Variants in NTM observed in about 807,000 individuals in gnomAD.
NTM encodes the protein neurotrimin.
In NTM, 13 loss-of-function variants were observed where a neutral mutation model predicts 42.1. The observed-to-expected ratio is 0.31, with a 90% CI of 0.20 to 0.49. The LOEUF (loss-of-function observed/expected upper bound fraction) is 0.49. Among genes scored for constraint, NTM ranks in the 20% least tolerant of loss-of-function variants. The pLI, the probability that NTM is intolerant of heterozygous loss-of-function variation, is 0.99. For synonymous variants in NTM, 187 were observed against 179.2 expected (o/e 1.04, Z -0.35); for missense variants, 373 against 452.8 (o/e 0.82, Z 1.60).
intron 1 of NTM, among the ~76,000 whole-genome samples, chr11:131,843,733 A>G (rs1318887706): frequency 1.3e-5 from 2 of 151,636 alleles, no homozygotes; most frequent in Non-Finnish European, 2.9e-5. Context: ...ATATAATGAT[A>G]TCTTATTGTT....
At chr11:132,093,290 C>T (rs1032085171) in intron 2 of NTM, among the ~76,000 whole-genome samples, 1 of 152,196 alleles carries the variant, frequency 6.6e-6, no homozygotes, top group African/African-American at 2.4e-5. Context: ...TAGACCTTTG[C>T]ACATGCTGTT....
chr11:132,124,107 T>A (rs1453004413), intron 2 of NTM, among the ~76,000 whole-genome samples: 1 of 152,172 alleles, frequency 6.6e-6, no homozygotes, highest in Non-Finnish European at 1.5e-5. Context: ...AGTAAAGTGC[T>A]TTGCATAGTG....
chr11:131,930,096 T>A (rs2058430730), intron 2 of NTM, among the ~76,000 whole-genome samples: 1 of 152,240 alleles, frequency 6.6e-6, no homozygotes, highest in African/African-American at 2.4e-5. Flanking sequence ...TTGGTCTGTA[T>A]TTCCCAACAA....
chr11:131,613,416 G>A (rs745584641), intron 1 of NTM, among the ~76,000 whole-genome samples: 1 of 152,090 alleles, frequency 6.6e-6, no homozygotes, highest in African/African-American at 2.4e-5. Flanking sequence ...TCTTCCAGCT[G>A]GTGCAATGAG....
At position 131,515,360 on chromosome 11, in the gene NTM, G is replaced by T. The variant is rs1024325096; in HGVS notation, c.82+144472G>T. 2.6e-5 allele frequency among the ~76,000 whole-genome samples: 4 copies of T among 152,172 alleles called. No homozygotes were observed. In the East Asian group the frequency reaches 7.7e-4, roughly 29 times the overall value. ...AGCGTGGGGAAATCGTGGCATTAGA[G>T]AATGTTCTCGGAGCCCAGTCCTCTC... On this transcript the variant is annotated intron_variant, in intron 1 of 8. Transcript: ENST00000683400.
Position 132,138,589 on chromosome 11 carries a change from TC to T in NTM, c.168-7692del, listed in dbSNP as rs1566271892. Among the ~76,000 whole-genome samples the T allele has an allele frequency of 4.1e-5, 3 of 72,956 alleles. No individual in the cohort carries two copies. The East Asian group carries it at 9.5e-4, about 23-fold the overall frequency. 47.9% of individuals were successfully genotyped at this position (72,956 alleles called of 152,430 possible). Reference sequence around the variant, plus strand: ...ATCTATCTATCTATCTATCTATCTATCTATCTATCTATCTATCTATCTATCT... The same window carrying T: ...ATCTATCTATCTATCTATCTATCTATTATCTATCTATCTATCTATCTATCT... On this transcript the variant is annotated intron_variant, in intron 2 of 8. Transcript: ENST00000683400.
chr11:131,999,513 T>C (rs1403917189), intron 2 of NTM, among the ~76,000 whole-genome samples: 2 of 152,176 alleles, frequency 1.3e-5, no homozygotes, highest in Non-Finnish European at 2.9e-5. Flanking sequence ...CCAAGATACA[T>C]GTGAGGAAGA....
At chr11:131,666,813 G>A (rs1221550845) in intron 1 of NTM, among the ~76,000 whole-genome samples, 1 of 152,198 alleles carries the variant, frequency 6.6e-6, no homozygotes, top group African/African-American at 2.4e-5. Context: ...CATTCCAGTG[G>A]GATGACTTAC....
chr11:132,158,096 AT>A (rs1201894679), intron 3 of NTM, among the ~76,000 whole-genome samples: 2 of 152,094 alleles, frequency 1.3e-5, no homozygotes, highest in East Asian at 3.9e-4. Flanking sequence ...GTTGTTCCTG[AT>A]TTAGTCGCTT....
At chr11:132,217,416 T>C (rs1426769273) in intron 4 of NTM, among the ~76,000 whole-genome samples, 1 of 150,614 alleles carries the variant, frequency 6.6e-6, no homozygotes. Context: ...GTGTGGGGTG[T>C]GTGTGTGTGT....
intron 1 of NTM, among the ~76,000 whole-genome samples, chr11:131,478,733 A>T (rs1372646632): frequency 6.6e-6 from 1 of 152,234 alleles, no homozygotes; most frequent in Non-Finnish European, 1.5e-5. Context: ...AGAGACTCAA[A>T]ACTCTGATGT....
Position 131,401,818 on chromosome 11 carries a change from A to G in NTM, c.82+30930A>G, listed in dbSNP as rs866396451. On this transcript the variant is annotated intron_variant, in intron 1 of 8. Coordinates refer to ENST00000683400, the MANE Select transcript of NTM (RefSeq NM_001352005.2). ...ACTGGAAATATATATATATATATAT[A>G]TATATATATATATATATATATATAT... Among the ~76,000 whole-genome samples, 15 of 42,990 alleles carry G rather than the reference A, an allele frequency of 3.5e-4. 1 individual carries two copies. Among genetic ancestry groups the G allele is most frequent in the African/African-American group, 1.4e-3 (12 of 8,562 alleles). The allele number at this position is 42,990 out of a possible 152,430, so 28.2% of individuals were successfully genotyped here.
intron 2 of NTM, among the ~76,000 whole-genome samples, chr11:131,928,498 A>G (rs528907423): frequency 1.3e-3 from 201 of 151,764 alleles, no homozygotes; most frequent in African/African-American, 4.8e-3. Context: ...TCCCACTACA[A>G]ACTCTGTTTG....
rs114553529 is a variant in NTM at position 131,885,396 on chromosome 11, C to T, written c.83-26168C>T. The stretch of plus-strand genomic sequence containing the variant: ...TACACAACTGCGGGCAGGTGGGGGC[C>T]CCGTGGAGAGCCAGCTGACACATAA... On this transcript the variant is annotated intron_variant, in intron 1 of 8. Transcript: ENST00000683400. Among the ~76,000 whole-genome samples the T allele has an allele frequency of 2.8e-3, 422 of 152,274 alleles. 1 individual carries two copies. The highest frequency in any genetic ancestry group is 9.7e-3 in the African/African-American group (401 of 41,552).
At chr11:131,517,542 A>G (rs1442721646) in intron 1 of NTM, among the ~76,000 whole-genome samples, 1 of 152,172 alleles carries the variant, frequency 6.6e-6, no homozygotes, top group African/African-American at 2.4e-5. Flanking sequence ...TGTGTCTCAG[A>G]TATGCCCTCT....
chr11:131,755,993 A>G (rs2083282531), intron 1 of NTM, among the ~76,000 whole-genome samples: 1 of 152,218 alleles, frequency 6.6e-6, no homozygotes, highest in Admixed American at 6.5e-5. Flanking sequence ...TCACTGTCCT[A>G]ACTTCTGGAA....
At chr11:132,106,793 C>T (rs545609493) in intron 2 of NTM, among the ~76,000 whole-genome samples, 52 of 152,256 alleles carry the variant, frequency 3.4e-4, no homozygotes, top group Non-Finnish European at 1.2e-4. Flanking sequence ...GGCAATGCCT[C>T]GGATGTCTTT....
At chr11:132,299,548 G>C (rs1280958305) in intron 4 of NTM, among the ~76,000 whole-genome samples, 1 of 152,182 alleles carries the variant, frequency 6.6e-6, no homozygotes, top group African/African-American at 2.4e-5. Context: ...AGCTGACAAA[G>C]AGGCAATGTC....
At chr11:131,792,645 T>C (rs2091091032) in intron 1 of NTM, among the ~76,000 whole-genome samples, 1 of 152,198 alleles carries the variant, frequency 6.6e-6, no homozygotes, top group East Asian at 1.9e-4. Flanking sequence ...TTCCTCCCTC[T>C]GTGGCTTAGA....
Sources: allele counts gnomAD v4.1 joint callset (sites outside exome capture counted in the v4.1 genomes callset), GRCh38; gene constraint gnomAD v4.1.1; transcripts MANE v1.5; gene names NCBI Gene and HGNC (gene_info 2026-07-23, HGNC 2026-07-21).